SPIRE1: variants seen among roughly 807,000 people sequenced by gnomAD.
SPIRE1 encodes protein spire homolog 1.
A neutral mutation model predicts 94.1 loss-of-function variants in SPIRE1; 40 were observed. The ratio of observed to expected loss-of-function variants is 0.43; its 90% CI spans 0.33 to 0.55. The LOEUF is 0.55. SPIRE1 is among the 20% of genes least tolerant of loss of function. The pLI is 0.06. For synonymous variants in SPIRE1, 376 were observed against 371.7 expected, an observed-to-expected ratio of 1.01 and a Z score of -0.13; for missense variants, 838 against 975.2, an observed-to-expected ratio of 0.86 and a Z score of 1.87.
At chr18:12,592,711 A>C (rs2036567615) in intron 2 of SPIRE1, among the ~76,000 whole-genome samples, 1 of 152,240 alleles carries the variant, frequency 6.6e-6, no homozygotes, top group Non-Finnish European at 1.5e-5. Flanking sequence ...CAGTAACTGC[A>C]GAGTTAGGTA....
At chr18:12,651,276 A>T (rs1259490983) in intron 1 of SPIRE1, among the ~76,000 whole-genome samples, 1 of 152,126 alleles carries the variant, frequency 6.6e-6, no homozygotes, top group African/African-American at 2.4e-5. Context: ...ATTCACCCCC[A>T]CTACCTACTC....
intron 1 of SPIRE1, among the ~76,000 whole-genome samples, chr18:12,645,820 T>G (rs2038208177): frequency 6.6e-6 from 1 of 152,168 alleles, no homozygotes; most frequent in South Asian, 2.1e-4. Context: ...CTCGACCATG[T>G]GGCTGGCACA....
chr18:12,481,580 AG>A (rs1407040382), intron 9 of SPIRE1, among the ~76,000 whole-genome samples: 1 of 152,170 alleles, frequency 6.6e-6, no homozygotes, highest in Admixed American at 6.5e-5. Context: ...AAAGGAAAGA[AG>A]GAAGAACAGC....
rs142280365 is a variant in SPIRE1, at chr18:12,625,962, A to G, written c.372+9100T>C. ...GGAGAATCACTTGAACCCAGGAGGC[A>G]GATGTTACAGTGAGCTGAGATCACA... On this transcript the variant is annotated intron_variant, in intron 2 of 16. Coordinates refer to ENST00000409402, the MANE Select transcript of SPIRE1 (RefSeq NM_001128626.2). Among the ~76,000 whole-genome samples the G allele has an allele frequency of 2.6e-3, 400 of 152,086 alleles. 2 individuals carry two copies. The highest frequency in any genetic ancestry group is 8.5e-3 in the African/African-American group (352 of 41,498).
chr18:12,493,034 G>T, intron 8 of SPIRE1, 38 bp downstream of exon 8: 7 of 1,555,472 alleles, frequency 4.5e-6, no homozygotes, highest in Non-Finnish European at 6.1e-6. Context: ...TTTCCCAGGG[G>T]ATGACTCTAG....
At chr18:12,509,231 T>C (rs2033944698) in intron 5 of SPIRE1, among the ~76,000 whole-genome samples, 2 of 152,348 alleles carry the variant, frequency 1.3e-5, no homozygotes, top group Non-Finnish European at 2.9e-5. Context: ...ATTCACTTAG[T>C]GGTCTTATGA....
intron 12 of SPIRE1, among the ~76,000 whole-genome samples, chr18:12,460,669 G>A (rs543803560): frequency 1.2e-3 from 187 of 150,864 alleles, no homozygotes; most frequent in African/African-American, 4.5e-3. Context: ...TCGAGATTGA[G>A]CCATTGCACT....
At chr18:12,536,602 G>A (rs919560338) in intron 3 of SPIRE1, among the ~76,000 whole-genome samples, 20 of 152,016 alleles carry the variant, frequency 1.3e-4, no homozygotes, top group Admixed American at 1.2e-3. Flanking sequence ...AGGGCAGAGG[G>A]CAATGTAAGG....
At chr18:12,512,567 T>A in intron 4 of SPIRE1, 36 bp from the exon 5 acceptor site, 1 of 1,289,968 alleles carries the variant, frequency 7.8e-7, no homozygotes, top group South Asian at 1.2e-5. Flanking sequence ...AAACATTTCA[T>A]TAAGTTATCT....
chr18:12,591,499 C>T (rs1360640458), intron 2 of SPIRE1, among the ~76,000 whole-genome samples: 1 of 152,136 alleles, frequency 6.6e-6, no homozygotes, highest in Non-Finnish European at 1.5e-5. Flanking sequence ...AAAATGGTTG[C>T]CTCTGGCTCC....
chr18:12,533,666 A>G (rs2034754000), intron 4 of SPIRE1, among the ~76,000 whole-genome samples: 1 of 152,148 alleles, frequency 6.6e-6, no homozygotes. Flanking sequence ...TCTATTAACA[A>G]ATTTGCTTTC....
intron 12 of SPIRE1, among the ~76,000 whole-genome samples, chr18:12,459,135 A>T (rs12457760): frequency 0.36 from 54,525 of 151,312 alleles, 11,153 homozygotes; most frequent in East Asian, 0.65. Flanking sequence ...TATTCTGTGT[A>T]AAAAAACCTC....
At chr18:12,616,639 T>C (rs2037315728) in intron 2 of SPIRE1, among the ~76,000 whole-genome samples, 2 of 152,242 alleles carry the variant, frequency 1.3e-5, no homozygotes, top group South Asian at 2.1e-4. Context: ...CTGTGCTTAC[T>C]TACAGGCAGT....
Position 12,453,012 on chromosome 18 carries a change from G to A in SPIRE1, c.1847+56C>T, listed in dbSNP as rs540426818. On this transcript the variant is annotated intron_variant, in intron 14 of 16. Transcript: ENST00000409402. ...AGATGGTGAAATAAGGAAGATAATT[G>A]GTATTTCTCTTACGACTGTTAAATT... is the stretch of plus-strand genomic sequence containing the variant. 119 of 1,097,952 alleles carry A rather than the reference G, an allele frequency of 1.1e-4. No individual in the cohort carries two copies. The African/African-American group carries it at 1.7e-3, about 15-fold the overall frequency. The allele number at this position is 1,097,952 out of a possible 1,614,324, so 68.0% of individuals were successfully genotyped here. A position where few individuals can be genotyped will look rare whatever the true frequency, so the allele number is the denominator to read the frequency against.
At chr18:12,502,817 C>A (rs974375825) in intron 6 of SPIRE1, among the ~76,000 whole-genome samples, 1 of 152,080 alleles carries the variant, frequency 6.6e-6, no homozygotes, top group Non-Finnish European at 1.5e-5. Flanking sequence ...CAAGGAAATA[C>A]CCCATGTGGG....
At chr18:12,528,333 T>C (rs1223943002) in intron 4 of SPIRE1, among the ~76,000 whole-genome samples, 1 of 152,160 alleles carries the variant, frequency 6.6e-6, no homozygotes, top group African/African-American at 2.4e-5. Flanking sequence ...CTGTTGTAAG[T>C]GACAGAAAGA....
At chr18:12,565,465 C>T (rs1361781324) in intron 2 of SPIRE1, among the ~76,000 whole-genome samples, 1 of 152,058 alleles carries the variant, frequency 6.6e-6, no homozygotes, top group Non-Finnish European at 1.5e-5. Flanking sequence ...ACCTCTGCCT[C>T]CTGGGTTCAA....
intron 13 of SPIRE1, 83 bp from the exon 14 acceptor site, chr18:12,453,221 T>A (rs2031332304): frequency 1.1e-6 from 1 of 874,716 alleles, no homozygotes; most frequent in Admixed American, 2.4e-5. Context: ...GCTTTACATC[T>A]ATATATAGGG....
intron 2 of SPIRE1, among the ~76,000 whole-genome samples, chr18:12,586,157 T>A (rs2036386212): frequency 6.6e-6 from 1 of 152,206 alleles, no homozygotes; most frequent in Non-Finnish European, 1.5e-5. Context: ...TCTCATTATG[T>A]TGCCCAGGCT....
Sources: gnomAD v4.1 joint callset for allele counts (sites outside exome capture counted in the v4.1 genomes callset) on GRCh38, gnomAD v4.1.1 for gene constraint, MANE v1.5 for transcripts, NCBI Gene and HGNC (gene_info 2026-07-23, HGNC 2026-07-21) for gene names.